Variants in PCDH9 observed in about 807,000 individuals in gnomAD.
PCDH9 encodes the protein protocadherin-9.
In PCDH9, 24 loss-of-function variants were observed where a neutral mutation model predicts 70.6. That is an observed-to-expected ratio of 0.34 (90% CI 0.25 to 0.48). The LOEUF (loss-of-function observed/expected upper bound fraction) is 0.48, where lower values mean the gene tolerates loss of function less well. PCDH9 is among the 20% of genes least tolerant of loss of function. PCDH9 has a pLI of 0.99. For missense variants in PCDH9, 1,281 were observed against 1,503.6 expected (o/e 0.85, Z 2.45); for synonymous variants, 562 against 558.5 (o/e 1.01, Z -0.09).
chr13:66,887,820 T>C (rs1474722722), intron 3 of PCDH9, among the ~76,000 whole-genome samples: 1 of 152,190 alleles, frequency 6.6e-6, no homozygotes, highest in African/African-American at 2.4e-5. Flanking sequence ...AAAAACCTGA[T>C]TGCAAAATGT....
chr13:66,322,566 G>C (rs190262073), intron 4 of PCDH9, among the ~76,000 whole-genome samples: 1 of 152,012 alleles, frequency 6.6e-6, no homozygotes, highest in Admixed American at 6.5e-5. Flanking sequence ...CATATCATTA[G>C]AGAATCAGGC....
At chr13:66,311,675 G>A (rs1955564834) in intron 4 of PCDH9, among the ~76,000 whole-genome samples, 1 of 152,046 alleles carries the variant, frequency 6.6e-6, no homozygotes, top group South Asian at 2.1e-4. Context: ...GTTCAGCATT[G>A]CCCTCATGCC....
In PCDH9 at chr13:66,966,552, GA is replaced by G. The variant is rs2083437524; in HGVS notation, c.3037-62948del. On this transcript the variant is annotated intron_variant, in intron 2 of 4. Transcript: ENST00000377865. ...AATACTCAGATATATTTCCTAGAAA[GA>G]GTAGAAGTGACAAGAAAAGCAGTTT... 3.3e-5 allele frequency among the ~76,000 whole-genome samples: 5 copies of G among 152,110 alleles called. No individual in the cohort carries two copies. The South Asian group carries it at 6.2e-4, about 19-fold the overall frequency.
intron 3 of PCDH9, among the ~76,000 whole-genome samples, chr13:66,874,698 G>A (rs1315113002): frequency 6.6e-6 from 1 of 152,030 alleles, no homozygotes; most frequent in Non-Finnish European, 1.5e-5. Context: ...AATACACTTA[G>A]CATCATTATT....
intron 2 of PCDH9, among the ~76,000 whole-genome samples, chr13:66,954,402 TC>T (rs1442634971): frequency 6.6e-6 from 1 of 151,558 alleles, no homozygotes; most frequent in African/African-American, 2.5e-5. Context: ...CCTAGTGATT[TC>T]AGATTTAACC....
chr13:66,466,099 A>G (rs1395369380), intron 4 of PCDH9, among the ~76,000 whole-genome samples: 1 of 151,980 alleles, frequency 6.6e-6, no homozygotes, highest in Non-Finnish European at 1.5e-5. Context: ...TCACAGAAAC[A>G]CAACTACATC....
chr13:67,228,281 C>A lies in PCDH9; in HGVS notation c.160G>T (p.Ala54Ser). The A allele has an allele frequency of 6.2e-7, 1 of 1,614,034 alleles. No homozygotes were observed. Among genetic ancestry groups the A allele is most frequent in the Non-Finnish European group, 8.5e-7 (1 of 1,179,976 alleles). The change falls in exon 2 of 5, where the codon GCT becomes TCT. Residue 54 changes from alanine to serine, a missense_variant. Ala to Ser is a moderately conservative substitution (Grantham distance 99). Transcript: ENST00000377865. ...PKDLNISHIN[A>S]ATGTSASLVY... ...AGGCTGGCGCTGGTCCCTGTGGCAG[C>A]ATTGATGTGAGAAATGTTCAGATCC...
chr13:67,005,437 T>C (rs2084332081), intron 2 of PCDH9, among the ~76,000 whole-genome samples: 1 of 152,160 alleles, frequency 6.6e-6, no homozygotes, highest in Non-Finnish European at 1.5e-5. Flanking sequence ...TTTCAGATAA[T>C]ACTTATTACT....
intron 4 of PCDH9, among the ~76,000 whole-genome samples, chr13:66,597,774 A>G (rs772229223): frequency 2.6e-5 from 4 of 151,862 alleles, no homozygotes; most frequent in African/African-American, 7.2e-5. Flanking sequence ...AAAGGAAACA[A>G]TCACCAGAGA....
intron 3 of PCDH9, among the ~76,000 whole-genome samples, chr13:66,760,393 A>T (rs983654208): frequency 3.9e-5 from 6 of 152,178 alleles, no homozygotes; most frequent in Non-Finnish European, 8.8e-5. Context: ...GACCCCAAAC[A>T]GAGGGACCGG....
intron 3 of PCDH9, among the ~76,000 whole-genome samples, chr13:66,707,711 T>C (rs1218480810): frequency 6.6e-6 from 1 of 152,218 alleles, no homozygotes; most frequent in East Asian, 1.9e-4. Flanking sequence ...ACTTATCTTT[T>C]GTGTACAAGG....
At chr13:66,904,491 A>G (rs2082327832) in intron 2 of PCDH9, among the ~76,000 whole-genome samples, 1 of 152,010 alleles carries the variant, frequency 6.6e-6, no homozygotes, top group Non-Finnish European at 1.5e-5. Flanking sequence ...TTCTACTTTG[A>G]TAAAAAGATA....
At chr13:66,896,239 T>C (rs544141290) in intron 3 of PCDH9, among the ~76,000 whole-genome samples, 1 of 152,296 alleles carries the variant, frequency 6.6e-6, no homozygotes, top group African/African-American at 2.4e-5. Flanking sequence ...TGATAACTGA[T>C]TTATACACGG....
intron 4 of PCDH9, among the ~76,000 whole-genome samples, chr13:66,315,570 TC>T (rs1470101495): frequency 6.6e-6 from 1 of 152,098 alleles, no homozygotes; most frequent in Non-Finnish European, 1.5e-5. Context: ...CAAGCTCTGT[TC>T]CCCAGGTTCA....
intron 2 of PCDH9, among the ~76,000 whole-genome samples, chr13:67,098,666 TTTAG>T (rs1300722371): frequency 3.3e-5 from 5 of 152,258 alleles, no homozygotes; most frequent in East Asian, 3.9e-4. Flanking sequence ...TTAATTAATG[TTTAG>T]TAATAGGAAA....
intron 3 of PCDH9, among the ~76,000 whole-genome samples, chr13:66,819,102 T>C (rs1393988484): frequency 2.0e-5 from 3 of 152,090 alleles, no homozygotes; most frequent in African/African-American, 7.2e-5. Context: ...AACCAACAGA[T>C]ATATTCCAGC....
intron 4 of PCDH9, among the ~76,000 whole-genome samples, chr13:66,497,010 T>C (rs1959127617): frequency 6.6e-6 from 1 of 152,122 alleles, no homozygotes; most frequent in African/African-American, 2.4e-5. Flanking sequence ...AATCCCCATA[T>C]TGGCCTTTTG....
chr13:66,869,067 T>C (rs2081625643), intron 3 of PCDH9, among the ~76,000 whole-genome samples: 2 of 152,192 alleles, frequency 1.3e-5, no homozygotes, highest in Non-Finnish European at 2.9e-5. Context: ...TATTTTCTTT[T>C]ATGAGTTTAC....
chr13:67,186,977 C>G (rs2088775765), intron 2 of PCDH9, among the ~76,000 whole-genome samples: 1 of 152,120 alleles, frequency 6.6e-6, no homozygotes, highest in African/African-American at 2.4e-5. Flanking sequence ...ACTTTAACAG[C>G]AACTTACAAG....
Sources: gnomAD v4.1 joint callset for allele counts (sites outside exome capture counted in the v4.1 genomes callset) on GRCh38, gnomAD v4.1.1 for gene constraint, MANE v1.5 for transcripts, NCBI Gene and HGNC (gene_info 2026-07-23, HGNC 2026-07-21) for gene names.